The following DNMT1 variants were observed in gnomAD, a reference collection of about 807,000 sequenced individuals.
The protein encoded by DNMT1 is DNA methyltransferase 1.
A neutral mutation model predicts 205.3 loss-of-function variants in DNMT1; 24 were observed. The ratio of observed to expected loss-of-function variants is 0.12; its 90% CI spans 0.08 to 0.16. DNMT1 has a LOEUF of 0.16. Among genes scored for constraint, DNMT1 ranks in the 10% least tolerant of loss-of-function variants. The probability of loss-of-function intolerance (pLI) is 1.00; values close to 1 mark genes in which losing one functional copy is unlikely to be tolerated. For synonymous variants in DNMT1, 817 were observed against 839.8 expected (o/e 0.97, Z 0.47); for missense variants, 1,293 against 2,177.7 (o/e 0.59, Z 8.09).
chr19:10,134,159 A>G, intron 40 of DNMT1, 58 bp downstream of exon 40: 1 of 1,589,036 alleles, frequency 6.3e-7, no homozygotes. Flanking sequence ...AACTGCCCCC[A>G]CATGTACCCC....
chr19:10,171,116 T>A (rs1276875347), intron 9 of DNMT1, among the ~76,000 whole-genome samples: 3 of 151,874 alleles, frequency 2.0e-5, no homozygotes, highest in African/African-American at 7.3e-5. Context: ...CCCTCAGTCA[T>A]CTTATTAAAA....
chr19:10,172,023 A>T (rs1000013328), intron 9 of DNMT1, among the ~76,000 whole-genome samples: 1 of 151,732 alleles, frequency 6.6e-6, no homozygotes, highest in Admixed American at 6.6e-5. Context: ...AAAAAATTAA[A>T]TTAAATTAAA....
chr19:10,178,472 A>G (rs951933466), intron 5 of DNMT1, among the ~76,000 whole-genome samples: 1 of 151,868 alleles, frequency 6.6e-6, no homozygotes, highest in Admixed American at 6.6e-5. Flanking sequence ...AAGAAAATAA[A>G]ATAAGGCTGG....
At chr19:10,180,132 G>A (rs1189299515) in intron 5 of DNMT1, 55 bp downstream of exon 5, 2 of 607,178 alleles carry the variant, frequency 3.3e-6, no homozygotes, top group East Asian at 6.1e-5. Flanking sequence ...TGGCCAACAT[G>A]GTAAGACCCC....
intron 1 of DNMT1, among the ~76,000 whole-genome samples, chr19:10,188,999 GGTGAA>G (rs1445577650): frequency 6.6e-6 from 1 of 152,134 alleles, no homozygotes; most frequent in Non-Finnish European, 1.5e-5. Flanking sequence ...ATTTTCATCC[GGTGAA>G]ACCCACATCA....
intron 10 of DNMT1, 119 bp downstream of exon 10, chr19:10,168,211 C>A: frequency 8.6e-7 from 1 of 1,162,524 alleles, no homozygotes; most frequent in South Asian, 1.3e-5. Context: ...AGAACTTGCC[C>A]ACATAAGAGA....
intron 10 of DNMT1, 21 bp from the exon 11 acceptor site, chr19:10,166,706 C>T (rs376712277): frequency 1.9e-6 from 3 of 1,613,844 alleles, no homozygotes; most frequent in Non-Finnish European, 1.7e-6. Context: ...AGACAACACA[C>T]ACACAGGCTG....
chr19:10,160,235 C>A, intron 14 of DNMT1, 149 bp downstream of exon 14: 1 of 1,502,664 alleles, frequency 6.7e-7, no homozygotes, highest in East Asian at 2.4e-5. Flanking sequence ...GGCATCCTGC[C>A]TGACGCACCT....
intron 28 of DNMT1, among the ~76,000 whole-genome samples, chr19:10,145,829 TTTTTC>T (rs1357685599): frequency 1.3e-5 from 2 of 152,042 alleles, no homozygotes; most frequent in East Asian, 3.9e-4. Flanking sequence ...AAGTTCTTTT[TTTTTC>T]TTTTTTTATT....
chr19:10,146,298 G>C lies in DNMT1; in HGVS notation c.2894+53C>G. On this transcript the variant is annotated intron_variant, in intron 28 of 40. Coordinates refer to ENST00000359526, the MANE Select transcript of DNMT1 (RefSeq NM_001130823.3). This position sits in a 1 kb window ranked among gnomAD's most constrained non-coding sequence, Gnocchi z 4.4. Reference sequence around the variant, plus strand: ...TAAGGAGGGGGACACCACAAAGCCAGCCTGGCTCAGCCTGGAGCGCCCTGG... The same window carrying C: ...TAAGGAGGGGGACACCACAAAGCCACCCTGGCTCAGCCTGGAGCGCCCTGG... 2.5e-6 allele frequency: 4 copies of C among 1,604,640 alleles called. No individual in the cohort carries two copies. Among genetic ancestry groups the C allele is most frequent in the Non-Finnish European group, 2.6e-6 (3 of 1,175,454 alleles).
chr19:10,188,740 G>C (rs1277060497), intron 1 of DNMT1, among the ~76,000 whole-genome samples: 1 of 152,204 alleles, frequency 6.6e-6, no homozygotes, highest in Non-Finnish European at 1.5e-5. Context: ...TAGCTGCAGA[G>C]AGCGGGCAAC....
intron 14 of DNMT1, 156 bp downstream of exon 14, chr19:10,160,228 A>G (rs1322490040): frequency 2.7e-6 from 4 of 1,501,532 alleles, no homozygotes; most frequent in Non-Finnish European, 3.6e-6. Flanking sequence ...CCGCAGGGGC[A>G]TCCTGCCTGA....
intron 5 of DNMT1, 194 bp downstream of exon 5, chr19:10,179,990 TAAA>T (rs76071650): frequency 2.4e-3 from 442 of 182,434 alleles, no homozygotes; most frequent in Middle Eastern, 9.0e-3. Flanking sequence ...ACTCTGTCAT[TAAA>T]AAAAAAAAAA....
chr19:10,161,715 T>A (rs1045126207), intron 13 of DNMT1, among the ~76,000 whole-genome samples: 1 of 152,196 alleles, frequency 6.6e-6, no homozygotes, highest in Non-Finnish European at 1.5e-5. Flanking sequence ...TCATGTCCCC[T>A]GCAAAATTCA....
At chr19:10,194,538 G>C (rs548034336) in intron 1 of DNMT1, 5 of 351,458 alleles carry the variant, frequency 1.4e-5, no homozygotes, top group East Asian at 9.8e-5. Flanking sequence ...CGAACCCAAA[G>C]CTTGCTGTAT....
intron 39 of DNMT1, among the ~76,000 whole-genome samples, chr19:10,134,591 C>A (rs953609415): frequency 3.3e-5 from 5 of 152,162 alleles, no homozygotes; most frequent in African/African-American, 1.2e-4. Context: ...CAGTGGCTCA[C>A]GCCTGTAATC....
rs932385493 is a variant in DNMT1 at position 10,173,262 on chromosome 19, A to G, written c.684-88T>C. 4.7e-5 allele frequency: 62 copies of G among 1,312,572 alleles called. 2 individuals carry two copies. The highest frequency in any genetic ancestry group is 4.3e-4 in the South Asian group (36 of 83,654). The allele number at this position is 1,312,572 out of a possible 1,614,324, so 81.3% of individuals were successfully genotyped here. A position where few individuals can be genotyped will look rare whatever the true frequency, so the allele number is the denominator to read the frequency against. ...TTTCATAAAGCTCCTCTTTCCCCCA[A>G]AAGCAATCTTCATTATCTCAGGAGC... is the stretch of plus-strand genomic sequence containing the variant. On this transcript the variant is annotated intron_variant, in intron 8 of 40. Transcript: ENST00000359526.
intron 8 of DNMT1, among the ~76,000 whole-genome samples, chr19:10,173,478 G>T (rs940604502): frequency 6.6e-6 from 1 of 151,016 alleles, no homozygotes; most frequent in African/African-American, 2.4e-5. Context: ...ACACGATAAA[G>T]TTCTTCTTTT....
At chr19:10,189,573 C>A (rs975614817) in intron 1 of DNMT1, among the ~76,000 whole-genome samples, 1 of 151,814 alleles carries the variant, frequency 6.6e-6, no homozygotes, top group African/African-American at 2.4e-5. Flanking sequence ...GTGCATGCCA[C>A]CACTTTTGGC....
Sources: allele counts gnomAD v4.1 joint callset (sites outside exome capture counted in the v4.1 genomes callset), GRCh38; gene constraint gnomAD v4.1.1; non-coding constraint Gnocchi (gnomAD v3.1); transcripts MANE v1.5; gene names NCBI Gene and HGNC (gene_info 2026-07-23, HGNC 2026-07-21).